CENPK: variants seen among roughly 807,000 people sequenced by gnomAD.
The protein encoded by CENPK is SoxLZ/Sox6-binding protein Solt.
Under a neutral mutation model 40.9 loss-of-function variants are expected in CENPK, and 46 were observed. That is an observed-to-expected ratio of 1.13 (90% CI 0.89 to 1.44). The LOEUF (loss-of-function observed/expected upper bound fraction) is 1.44, where lower values mean the gene tolerates loss of function less well. Ranked by LOEUF, CENPK falls within the 40% of genes most tolerant of loss-of-function variation. The pLI is 0.00. For synonymous variants in CENPK, 107 were observed against 104.4 expected (o/e 1.02, Z -0.15); for missense variants, 288 against 303.5 (o/e 0.95, Z 0.38).
intron 2 of CENPK, among the ~76,000 whole-genome samples, chr5:65,557,452 C>A (rs1178599612): frequency 2.0e-5 from 3 of 152,194 alleles, no homozygotes; most frequent in African/African-American, 7.2e-5. Context: ...ATATAGCTAA[C>A]TTCTGGCTTT....
chr5:65,552,622 C>G, intron 3 of CENPK, 73 bp from the exon 4 acceptor site: 3 of 820,264 alleles, frequency 3.7e-6, no homozygotes, highest in East Asian at 2.7e-5. Context: ...CTCTCCTTTT[C>G]TACCAGGCCA....
chr5:65,531,756 C>A (rs975286833), intron 6 of CENPK, among the ~76,000 whole-genome samples: 4 of 152,132 alleles, frequency 2.6e-5, no homozygotes, highest in Non-Finnish European at 5.9e-5. Flanking sequence ...CCCGCCTCAG[C>A]CTCCCAAAGT....
At chr5:65,542,964 C>T in intron 5 of CENPK, 116 bp from the exon 6 acceptor site, 1 of 822,776 alleles carries the variant, frequency 1.2e-6, no homozygotes, top group Non-Finnish European at 1.9e-6. Context: ...ATATAATATA[C>T]AACTTTTTCT....
Position 65,561,470 on chromosome 5 carries a change from G to A in CENPK, c.-47C>T. On this transcript the variant is annotated 5_prime_UTR_variant, in exon 2 of 11. Coordinates refer to ENST00000396679, the MANE Select transcript of CENPK (RefSeq NM_022145.5). ...TAAGAGTTTGCTCTCTACCGCTTGA[G>A]GATGCAAGATGTAAGCTGTATGTAA... 2.2e-6 allele frequency: 1 copy of A among 455,216 alleles called. No homozygotes were observed. Among genetic ancestry groups the A allele is most frequent in the Non-Finnish European group, 4.4e-6 (1 of 226,398 alleles). The allele number at this position is 455,216 out of a possible 1,614,324, so 28.2% of individuals were successfully genotyped here. A position where few individuals can be genotyped will look rare whatever the true frequency, so the allele number is the denominator to read the frequency against.
At chr5:65,546,226 CT>C (rs1014689065) in intron 5 of CENPK, among the ~76,000 whole-genome samples, 112 of 125,126 alleles carry the variant, frequency 9.0e-4, no homozygotes, top group East Asian at 3.4e-3. Flanking sequence ...CTATTCTCCC[CT>C]GCCCCCCCGC....
chr5:65,542,797 C>T lies in CENPK; in HGVS notation c.288+5G>A. On this transcript the variant is annotated splice_donor_5th_base_variant and intron_variant, in intron 6 of 10. Transcript: ENST00000396679. ...GGGTCACTACAAATTCATTGAGTGG[C>T]TTACCTCTTCTTTTCCTAATGTTAT... 2 of 1,604,508 alleles carry T rather than the reference C, an allele frequency of 1.2e-6. No individual in the cohort carries two copies. The highest frequency in any genetic ancestry group is 1.7e-6 in the Non-Finnish European group (2 of 1,175,168).
intron 6 of CENPK, chr5:65,529,508 G>C (rs1405192534): frequency 1.1e-5 from 2 of 184,532 alleles, no homozygotes; most frequent in African/African-American, 5.8e-5. Flanking sequence ...TTTTTTTTTT[G>C]AGACAGTCTC....
intron 3 of CENPK, 36 bp from the exon 4 acceptor site, chr5:65,552,585 C>A (rs3213939): frequency 2.3e-6 from 3 of 1,321,696 alleles, no homozygotes; most frequent in Non-Finnish European, 3.1e-6. Context: ...AAGTCACACA[C>A]GATAATTCAC....
At chr5:65,510,163 T>G in the CENPK span, among the ~76,000 whole-genome samples, 1 of 152,156 alleles carries the variant, frequency 6.6e-6, no homozygotes. Context: ...GAAAAAGTCA[T>G]GTCAAAAGTC....
intron 6 of CENPK, among the ~76,000 whole-genome samples, chr5:65,539,504 G>C (rs1203582650): frequency 6.6e-6 from 1 of 152,224 alleles, no homozygotes; most frequent in East Asian, 1.9e-4. Context: ...CAACACAATA[G>C]GGTAAACATT....
At chr5:65,501,674 C>G in the CENPK span, among the ~76,000 whole-genome samples, 1 of 152,132 alleles carries the variant, frequency 6.6e-6, no homozygotes, top group Non-Finnish European at 1.5e-5. Flanking sequence ...TCATCACTAC[C>G]AGGTAGTGGT....
downstream of CENPK, among the ~76,000 whole-genome samples, chr5:65,513,375 C>A (rs983399777): frequency 2.6e-5 from 4 of 152,052 alleles, no homozygotes; most frequent in Non-Finnish European, 5.9e-5. Context: ...TCAATGAATC[C>A]GTAAAGTTAG....
downstream of CENPK, among the ~76,000 whole-genome samples, chr5:65,514,246 TTTTTTTTTTTTTTTTA>T (rs1742697401): frequency 3.3e-5 from 2 of 59,904 alleles, no homozygotes; most frequent in African/African-American, 7.4e-5. Flanking sequence ...TTTTTTTTTT[TTTTTTTTTTTTTTTTA>T]GTTTTTTTTA....
intron 2 of CENPK, chr5:65,555,345 CT>C (rs1371895994): frequency 1.3e-5 from 2 of 156,720 alleles, no homozygotes; most frequent in Non-Finnish European, 2.8e-5. Flanking sequence ...GTGCAAAGGC[CT>C]TGATGCAGGA....
At chr5:65,509,135 C>T in the CENPK span, among the ~76,000 whole-genome samples, 3 of 152,108 alleles carry the variant, frequency 2.0e-5, no homozygotes, top group Non-Finnish European at 2.9e-5. Flanking sequence ...TATGTTTACC[C>T]TTTCTGAATC....
intron 3 of CENPK, 52 bp from the exon 4 acceptor site, chr5:65,552,601 A>T: frequency 8.7e-7 from 1 of 1,154,574 alleles, no homozygotes; most frequent in Non-Finnish European, 1.2e-6. Context: ...TTCACAGAAA[A>T]TTCCCTTCCC....
chr5:65,499,411 A>G, the CENPK span, among the ~76,000 whole-genome samples: 2 of 151,476 alleles, frequency 1.3e-5, no homozygotes, highest in African/African-American at 4.9e-5. Context: ...TTTTCCCCAT[A>G]GGTAAGGTAT....
chr5:65,551,226 G>T, intron 5 of CENPK: 1 of 294,114 alleles, frequency 3.4e-6, no homozygotes, highest in South Asian at 2.5e-5. Flanking sequence ...CTCCAGCCTG[G>T]ACAACACGAT....
At chr5:65,521,565 T>C (rs1351956801) in intron 9 of CENPK, 37 bp from the exon 10 acceptor site, 4 of 1,342,692 alleles carry the variant, frequency 3.0e-6, no homozygotes, top group Non-Finnish European at 4.3e-6. Flanking sequence ...AATTACCACT[T>C]CACTTCTGCC....
Sources: allele counts gnomAD v4.1 joint callset (sites outside exome capture counted in the v4.1 genomes callset), GRCh38; gene constraint gnomAD v4.1.1; transcripts MANE v1.5; gene names NCBI Gene and HGNC (gene_info 2026-07-23, HGNC 2026-07-21).